The following NR2C2 variants were observed in gnomAD, a reference collection of about 807,000 sequenced individuals.
The protein encoded by NR2C2 is nuclear receptor subfamily 2 group C member 2, also known as Nuclear hormone receptor TR4.
In NR2C2, 6 loss-of-function variants were observed where a neutral mutation model predicts 62.9. That is an observed-to-expected ratio of 0.10 (90% CI 0.05 to 0.19). The LOEUF (loss-of-function observed/expected upper bound fraction) is 0.19, where lower values mean the gene tolerates loss of function less well. Among genes scored for constraint, NR2C2 ranks in the 10% least tolerant of loss-of-function variants. The probability of loss-of-function intolerance (pLI) is 1.00; values close to 1 mark genes in which losing one functional copy is unlikely to be tolerated. For missense variants in NR2C2, 479 were observed against 762.7 expected (o/e 0.63, Z 4.38); for synonymous variants, 272 against 273.8 (o/e 0.99, Z 0.07).
intron 1 of NR2C2, among the ~76,000 whole-genome samples, chr3:14,994,945 A>G (rs77563275): frequency 0.063 from 9,164 of 145,542 alleles, 386 homozygotes; most frequent in East Asian, 0.18. Flanking sequence ...TCACAGCTCT[A>G]TTAAGATATA....
At chr3:15,001,461 A>C (rs561915187) in intron 1 of NR2C2, among the ~76,000 whole-genome samples, 2 of 150,900 alleles carry the variant, frequency 1.3e-5, no homozygotes, top group Non-Finnish European at 2.9e-5. Context: ...CAGCCTCCTG[A>C]GTAGCTGGGA....
At position 15,012,522 on chromosome 3, in the gene NR2C2, G is replaced by A. The variant is rs951270851; in HGVS notation, c.73-1067G>A. 4.7e-5 allele frequency among the ~76,000 whole-genome samples: 7 copies of A among 148,194 alleles called. No individual in the cohort carries two copies. The South Asian group carries it at 6.3e-4, about 13-fold the overall frequency. ...ATTACAGACATGAGCCACTGCGTCC[G>A]GCTGGAGTTCCATTTCAAAAGTGTG... On this transcript the variant is annotated intron_variant, in intron 2 of 13. Coordinates refer to ENST00000425241, the MANE Select transcript of NR2C2 (RefSeq NM_001291694.2).
chr3:15,009,096 C>T (rs572332813), intron 2 of NR2C2, among the ~76,000 whole-genome samples: 3 of 152,312 alleles, frequency 2.0e-5, no homozygotes, highest in Non-Finnish European at 4.4e-5. Flanking sequence ...GTGACGCATA[C>T]CTGTAATCCC....
intron 1 of NR2C2, among the ~76,000 whole-genome samples, chr3:14,953,273 T>C (rs1326772209): frequency 1.3e-5 from 2 of 152,242 alleles, no homozygotes; most frequent in East Asian, 3.8e-4. Context: ...TCCATAATTA[T>C]TAACAGTTAC....
intron 1 of NR2C2, among the ~76,000 whole-genome samples, chr3:15,003,058 G>C (rs2041065110): frequency 6.6e-6 from 1 of 150,448 alleles, no homozygotes; most frequent in Admixed American, 6.6e-5. Context: ...CGATTCTCCT[G>C]CCTCAGCCAC....
chr3:15,034,229 C>A (rs2042049382), intron 10 of NR2C2: 1 of 153,190 alleles, frequency 6.5e-6, no homozygotes, highest in Non-Finnish European at 1.5e-5. Flanking sequence ...AAGCCTGCCT[C>A]CTGCCCTGCA....
At position 15,043,269 on chromosome 3, in the gene NR2C2, T is replaced by A. The variant is rs2042334297; in HGVS notation, c.*261T>A. 1 of 300,920 alleles carries A rather than the reference T, an allele frequency of 3.3e-6. No individual in the cohort carries two copies. The highest frequency in any genetic ancestry group is 5.0e-5 in the Admixed American group (1 of 20,164). 18.6% of individuals were successfully genotyped at this position (300,920 alleles called of 1,614,324 possible). ...TTTAACTCAATTTGTATTTAGAAAT[T>A]CTCAAAGGGCAAAAAACAAAAAAAA... On this transcript the variant is annotated 3_prime_UTR_variant, in exon 14 of 14. Coordinates refer to ENST00000425241, the MANE Select transcript of NR2C2 (RefSeq NM_001291694.2).
At chr3:15,002,906 C>T (rs945036254) in intron 1 of NR2C2, among the ~76,000 whole-genome samples, 1 of 151,472 alleles carries the variant, frequency 6.6e-6, no homozygotes, top group Non-Finnish European at 1.5e-5. Context: ...GATCCACCCA[C>T]CTCGGCCTCC....
chr3:15,002,479 T>C (rs2124922305), intron 1 of NR2C2, among the ~76,000 whole-genome samples: 1 of 152,030 alleles, frequency 6.6e-6, no homozygotes, highest in South Asian at 2.1e-4. Context: ...TTTGCTAGAG[T>C]TTTGTAGAGG....
In NR2C2 at chr3:15,032,231, G is replaced by A. The variant is rs2041998306; in HGVS notation, c.1111-148G>A. ...GAGCAAGAAAACATGGGGAGTCCGTGCAAGCCCCCCGACTGCATGGGACTT... is the reference window on the plus strand; with the variant it reads ...GAGCAAGAAAACATGGGGAGTCCGTACAAGCCCCCCGACTGCATGGGACTT... On this transcript the variant is annotated intron_variant, in intron 9 of 13. Transcript: ENST00000425241. 3 of 1,078,836 alleles carry A rather than the reference G, an allele frequency of 2.8e-6. No individual in the cohort carries two copies. In the South Asian group the frequency reaches 4.2e-5, roughly 15 times the overall value. 66.8% of individuals were successfully genotyped at this position (1,078,836 alleles called of 1,614,324 possible). A position where few individuals can be genotyped will look rare whatever the true frequency, so the allele number is the denominator to read the frequency against.
At position 15,043,103 on chromosome 3, in the gene NR2C2, C is replaced by A; in HGVS notation, c.*95C>A. ...GGTATTTTGGTATGTGCAAATATTT[C>A]CATATGTTAGCCATTTCCTGTCTGG... On this transcript the variant is annotated 3_prime_UTR_variant, in exon 14 of 14. Transcript: ENST00000425241. 1 of 1,208,526 alleles carries A rather than the reference C, an allele frequency of 8.3e-7. No individual in the cohort carries two copies. Among genetic ancestry groups the A allele is most frequent in the Non-Finnish European group, 1.1e-6 (1 of 894,180 alleles). 74.9% of individuals were successfully genotyped at this position (1,208,526 alleles called of 1,614,324 possible).
intron 9 of NR2C2, 96 bp from the exon 10 acceptor site, chr3:15,032,278 GATGCC>G: frequency 6.6e-7 from 1 of 1,520,664 alleles, no homozygotes; most frequent in Non-Finnish European, 9.1e-7. Context: ...AGCAACTCTA[GATGCC>G]ACTGCTATTG....
intron 10 of NR2C2, chr3:15,034,342 A>G (rs1167368910): frequency 1.5e-5 from 3 of 197,038 alleles, no homozygotes; most frequent in Non-Finnish European, 3.1e-5. Flanking sequence ...AGTAACTGAT[A>G]CCATCTCTTG....
intron 4 of NR2C2, among the ~76,000 whole-genome samples, chr3:15,018,748 G>A (rs1038040138): frequency 1.7e-4 from 26 of 152,072 alleles, no homozygotes; most frequent in African/African-American, 5.8e-4. Context: ...AGGGTGCGGT[G>A]TCTCACATCT....
Position 15,023,317 on chromosome 3 carries a change from C to T in NR2C2, c.674C>T (p.Pro225Leu). The T allele has an allele frequency of 6.2e-7, 1 of 1,614,178 alleles. No individual in the cohort carries two copies. The highest frequency in any genetic ancestry group is 8.5e-7 in the Non-Finnish European group (1 of 1,180,026). ...KDLRSPLIAT[P>L]TFVADKDGAR... ...CTGAGAAGTCCCCTGATAGCTACTC[C>T]CACGTTTGTGGCAGACAAAGATGGA... The change falls in exon 6 of 14, where the codon CCC (proline) becomes CTC (leucine). Residue 225 changes from proline (P) to leucine (L), a missense_variant. Coordinates refer to ENST00000425241, the MANE Select transcript of NR2C2 (RefSeq NM_001291694.2).
chr3:15,035,675 C>T (rs1181497557), intron 11 of NR2C2, among the ~76,000 whole-genome samples: 7 of 151,896 alleles, frequency 4.6e-5, no homozygotes, highest in Admixed American at 4.6e-4. Context: ...CGGGGGATCA[C>T]TGGAGGTCAG....
At chr3:14,989,587 G>A (rs1009391996) in intron 1 of NR2C2, among the ~76,000 whole-genome samples, 1 of 152,124 alleles carries the variant, frequency 6.6e-6, no homozygotes, top group South Asian at 2.1e-4. Flanking sequence ...ATGAGTTCAG[G>A]TATCAGTCTG....
intron 3 of NR2C2, among the ~76,000 whole-genome samples, chr3:15,015,637 C>T (rs1028817628): frequency 1.3e-5 from 2 of 152,190 alleles, no homozygotes; most frequent in Non-Finnish European, 2.9e-5. Context: ...GCGCCTGACC[C>T]TGGGAAACCA....
chr3:14,980,143 T>C (rs1464947933), intron 1 of NR2C2, among the ~76,000 whole-genome samples: 4 of 151,958 alleles, frequency 2.6e-5, no homozygotes, highest in Non-Finnish European at 4.4e-5. Flanking sequence ...CCTACTCTTT[T>C]CCGGCATTGG....
Sources: allele counts gnomAD v4.1 joint callset (sites outside exome capture counted in the v4.1 genomes callset), GRCh38; gene constraint gnomAD v4.1.1; transcripts MANE v1.5; gene names NCBI Gene and HGNC (gene_info 2026-07-23, HGNC 2026-07-21).